GPR52: variants seen among roughly 807,000 people sequenced by gnomAD.
The protein encoded by GPR52 is probable G-protein coupled receptor 52.
Under a neutral mutation model 24.0 loss-of-function variants are expected in GPR52, and 8 were observed. The observed-to-expected ratio is 0.33, with a 90% CI of 0.20 to 0.60. The LOEUF (loss-of-function observed/expected upper bound fraction) is 0.60. GPR52 is among the 20% of genes least tolerant of loss of function. The pLI, the probability that GPR52 is intolerant of heterozygous loss-of-function variation, is 0.82. For missense variants in GPR52, 412 were observed against 447.7 expected, an observed-to-expected ratio of 0.92 and a Z score of 0.72; for synonymous variants, 144 against 158.1, an observed-to-expected ratio of 0.91 and a Z score of 0.67.
rs577422076 is a variant in GPR52, at chr1:174,449,185, T to C, written c.1074T>C (p.Ser358=). The C allele has an allele frequency of 1.0e-5, 16 of 1,596,140 alleles. No individual in the cohort carries two copies. Among genetic ancestry groups the C allele is most frequent in the Non-Finnish European group, 1.4e-5 (16 of 1,173,096 alleles). The change falls in exon 1 of 1, where the codon TCT becomes TCC. Residue 358 remains serine, a synonymous_variant. Transcript: ENST00000367685. ...QEPKPRKRAN[S]CSI is the part of the protein sequence containing the mutation. ...CCAAACCTAGGAAACGGGCTAATTC[T>C]TGCTCCATTTGAAGAGAGCTACATA...
At position 174,448,830 on chromosome 1, in the gene GPR52, G is replaced by A. The variant is rs117221459; in HGVS notation, c.719G>A (p.Arg240Gln). 2.2e-5 allele frequency: 36 copies of A among 1,614,068 alleles called. No homozygotes were observed. The East Asian group carries it at 2.9e-4, about 13-fold the overall frequency. The change falls in exon 1 of 1, where the codon CGA becomes CAA. Residue 240 changes from arginine to glutamine, a missense_variant. Transcript: ENST00000367685. The surrounding 1 kb of genome is among the most constrained non-coding windows in gnomAD (Gnocchi z 4.2). ...CRQHTKEIND[R>Q]RARFPSHEVD... ...CAGCACACCAAAGAGATAAATGACCGAAGAGCCCGATTCCCTAGTCATGAG... is the reference window on the plus strand; with the variant it reads ...CAGCACACCAAAGAGATAAATGACCAAAGAGCCCGATTCCCTAGTCATGAG...
Position 174,448,071 on chromosome 1 carries a change from T to C in GPR52, c.-41T>C, listed in dbSNP as rs775828797. 8 of 1,564,116 alleles carry C rather than the reference T, an allele frequency of 5.1e-6. No individual in the cohort carries two copies. The Admixed American group carries it at 1.4e-4, about 28-fold the overall frequency. On this transcript the variant is annotated 5_prime_UTR_variant, in exon 1 of 1. Coordinates refer to ENST00000367685, the MANE Select transcript of GPR52 (RefSeq NM_005684.5). This position sits in a 1 kb window ranked among gnomAD's most constrained non-coding sequence, Gnocchi z 4.2. ...ACAGATGCTGGGCAGGGCATCTGCT[T>C]GCTGTAGCCAAGTCTGCAGGTGTCT...
chr1:174,448,106 C>T lies in GPR52; in HGVS notation c.-6C>T. The T allele has an allele frequency of 1.9e-6, 3 of 1,603,278 alleles. No individual in the cohort carries two copies. Among genetic ancestry groups the T allele is most frequent in the Non-Finnish European group, 2.6e-6 (3 of 1,173,940 alleles). ...AAGTCTGCAGGTGTCTTTAAATTTC[C>T]AAGCCATGAATGAATCCAGGTGGAC... On this transcript the variant is annotated 5_prime_UTR_variant, in exon 1 of 1. Transcript: ENST00000367685. The surrounding 1 kb of genome is among the most constrained non-coding windows in gnomAD (Gnocchi z 4.2).
In GPR52 at chr1:174,448,873, G is replaced by A. The variant is rs774567932; in HGVS notation, c.762G>A (p.Glu254=). 1 of 1,613,686 alleles carries A rather than the reference G, an allele frequency of 6.2e-7. No individual in the cohort carries two copies. The highest frequency in any genetic ancestry group is 1.7e-5 in the Admixed American group (1 of 60,000). ...GTCATGAGGTAGATTCTTCCAGAGA[G>A]ACTGGACACAGCCCTGACCGTCGCT... ...FPSHEVDSSR[E]TGHSPDRRYA... is the part of the protein sequence containing the mutation. The change falls in exon 1 of 1, where the codon GAG becomes GAA. Residue 254 remains glutamate, a synonymous_variant. Coordinates refer to ENST00000367685, the MANE Select transcript of GPR52 (RefSeq NM_005684.5). This position sits in a 1 kb window ranked among gnomAD's most constrained non-coding sequence, Gnocchi z 4.2.
Position 174,449,298 on chromosome 1 carries a change from G to A in GPR52, c.*101G>A. 9.9e-7 allele frequency: 1 copy of A among 1,012,212 alleles called. No homozygotes were observed. The highest frequency in any genetic ancestry group is 1.5e-6 in the Non-Finnish European group (1 of 682,954). The allele number at this position is 1,012,212 out of a possible 1,614,324, so 62.7% of individuals were successfully genotyped here. On this transcript the variant is annotated 3_prime_UTR_variant, in exon 1 of 1. Coordinates refer to ENST00000367685, the MANE Select transcript of GPR52 (RefSeq NM_005684.5). ...CATCAGAGAAATATTTACTTGAATAGTTGACTGTAAAATGAAGTATGAGAC... is the reference window on the plus strand; with the variant it reads ...CATCAGAGAAATATTTACTTGAATAATTGACTGTAAAATGAAGTATGAGAC...
Position 174,448,378 on chromosome 1 carries a change from C to A in GPR52, c.267C>A (p.Phe89Leu). 2 of 1,613,752 alleles carry A rather than the reference C, an allele frequency of 1.2e-6. No individual in the cohort carries two copies. The highest frequency in any genetic ancestry group is 1.7e-6 in the Non-Finnish European group (2 of 1,179,632). Reference protein sequence around the residue: ...FIQTMAYADLFVGVSCLVPTL... With the variant: ...FIQTMAYADLLVGVSCLVPTL... The stretch of plus-strand genomic sequence containing the variant: ...AGACGATGGCATATGCTGATCTTTT[C>A]GTTGGAGTTAGCTGCTTGGTTCCTA... Residue 89 changes from phenylalanine to leucine, a missense_variant, in exon 1 of 1, where the codon TTC (phenylalanine) becomes TTA (leucine). Coordinates refer to ENST00000367685, the MANE Select transcript of GPR52 (RefSeq NM_005684.5). This position sits in a 1 kb window ranked among gnomAD's most constrained non-coding sequence, Gnocchi z 4.2.
rs979579520 is a variant in GPR52, at chr1:174,449,337, CT to C, written c.*149del. 1.3e-4 allele frequency: 88 copies of C among 675,304 alleles called. No individual in the cohort carries two copies. Among genetic ancestry groups the C allele is most frequent in the South Asian group, 2.3e-4 (9 of 38,366 alleles). The allele number at this position is 675,304 out of a possible 1,614,324, so 41.8% of individuals were successfully genotyped here. On this transcript the variant is annotated 3_prime_UTR_variant, in exon 1 of 1. Coordinates refer to ENST00000367685, the MANE Select transcript of GPR52 (RefSeq NM_005684.5). ...GAAGTATGAGACTAAAGGTTTCTCT[CT>C]TTTTTTTTCTTTTTCATGGAAGAAA...
Position 174,448,827 on chromosome 1 carries a change from A to T in GPR52, c.716A>T (p.Asp239Val). The change falls in exon 1 of 1, where the codon GAC (aspartate) becomes GTC (valine). Residue 239 changes from aspartate (D) to valine (V), a missense_variant. Physicochemically the swap from Asp to Val is radical, Grantham distance 152 (BLOSUM62 -3). Transcript: ENST00000367685. This position sits in a 1 kb window ranked among gnomAD's most constrained non-coding sequence, Gnocchi z 4.2. ...ICRQHTKEINDRRARFPSHEV... is the reference protein window; with the variant it reads ...ICRQHTKEINVRRARFPSHEV... ...CGTCAGCACACCAAAGAGATAAATG[A>T]CCGAAGAGCCCGATTCCCTAGTCAT... is the stretch of plus-strand genomic sequence containing the variant. 1.9e-6 allele frequency: 3 copies of T among 1,614,132 alleles called. No homozygotes were observed. Among genetic ancestry groups the T allele is most frequent in the Non-Finnish European group, 2.5e-6 (3 of 1,179,986 alleles).
Position 174,448,849 on chromosome 1 carries a change from T to G in GPR52, c.738T>G (p.Ser246Arg). 1 of 1,614,148 alleles carries G rather than the reference T, an allele frequency of 6.2e-7. No homozygotes were observed. Residue 246 changes from serine to arginine, a missense_variant, in exon 1 of 1, where the codon AGT becomes AGG. By Grantham distance (110) the Ser-to-Arg change is moderately radical (BLOSUM62 -1). Coordinates refer to ENST00000367685, the MANE Select transcript of GPR52 (RefSeq NM_005684.5). This position sits in a 1 kb window ranked among gnomAD's most constrained non-coding sequence, Gnocchi z 4.2. The stretch of plus-strand genomic sequence containing the variant: ...ATGACCGAAGAGCCCGATTCCCTAG[T>G]CATGAGGTAGATTCTTCCAGAGAGA... ...EINDRRARFP[S>R]HEVDSSRETG...
rs1655139453 is a variant in GPR52 at position 174,449,142 on chromosome 1, A to T, written c.1031A>T (p.Asp344Val). 1 of 1,612,026 alleles carries T rather than the reference A, an allele frequency of 6.2e-7. No individual in the cohort carries two copies. The highest frequency in any genetic ancestry group is 8.5e-7 in the Non-Finnish European group (1 of 1,179,130). ...TGCACATCCTGTATGTGTGTGAAGG[A>T]TCAGGAAGCACAAGAACCCAAACCT... is the stretch of plus-strand genomic sequence containing the variant. ...TMCTSCMCVK[D>V]QEAQEPKPRK... is the part of the protein sequence containing the mutation. The change falls in exon 1 of 1, where the codon GAT (aspartate) becomes GTT (valine). Residue 344 changes from aspartate to valine, a missense_variant. Asp to Val is a radical substitution (Grantham distance 152, BLOSUM62 -3). Transcript: ENST00000367685.
In GPR52 at chr1:174,448,925, A is replaced by G. The variant is rs1318129040; in HGVS notation, c.814A>G (p.Ser272Gly). Reference protein sequence around the residue: ...RYAMVLFRITSVFYMLWLPYI... With the variant: ...RYAMVLFRITGVFYMLWLPYI... ...CGCCATGGTTTTGTTTAGGATAACC[A>G]GTGTATTTTATATGCTGTGGCTCCC... Residue 272 changes from serine to glycine, a missense_variant, in exon 1 of 1, where the codon AGT becomes GGT. Coordinates refer to ENST00000367685, the MANE Select transcript of GPR52 (RefSeq NM_005684.5). This position sits in a 1 kb window ranked among gnomAD's most constrained non-coding sequence, Gnocchi z 4.2. 3 of 1,613,878 alleles carry G rather than the reference A, an allele frequency of 1.9e-6. No homozygotes were observed. The highest frequency in any genetic ancestry group is 1.3e-5 in the African/African-American group (1 of 74,932).
chr1:174,448,076 T>C lies in GPR52; in HGVS notation c.-36T>C. ...TGCTGGGCAGGGCATCTGCTTGCTG[T>C]AGCCAAGTCTGCAGGTGTCTTTAAA... On this transcript the variant is annotated 5_prime_UTR_variant, in exon 1 of 1. Coordinates refer to ENST00000367685, the MANE Select transcript of GPR52 (RefSeq NM_005684.5). The surrounding 1 kb of genome is among the most constrained non-coding windows in gnomAD (Gnocchi z 4.2). 6.4e-7 allele frequency: 1 copy of C among 1,573,770 alleles called. No homozygotes were observed. The highest frequency in any genetic ancestry group is 8.6e-7 in the Non-Finnish European group (1 of 1,157,298).
rs1654979867 is a variant in GPR52 at position 174,447,981 on chromosome 1, G to A, written c.-131G>A. 1.5e-6 allele frequency: 1 copy of A among 681,300 alleles called. No individual in the cohort carries two copies. The highest frequency in any genetic ancestry group is 2.5e-6 in the Non-Finnish European group (1 of 405,244). The allele number at this position is 681,300 out of a possible 1,614,324, so 42.2% of individuals were successfully genotyped here. ...ACTTGAGCACTCTCTGGGACTCTCAGCTGTGACAGAAGCACTGACACTGTC... is the reference window on the plus strand; with the variant it reads ...ACTTGAGCACTCTCTGGGACTCTCAACTGTGACAGAAGCACTGACACTGTC... On this transcript the variant is annotated 5_prime_UTR_variant, in exon 1 of 1. Coordinates refer to ENST00000367685, the MANE Select transcript of GPR52 (RefSeq NM_005684.5).
Position 174,448,594 on chromosome 1 carries a change from C to T in GPR52, c.483C>T (p.Cys161=), listed in dbSNP as rs751968841. Reference sequence around the variant, plus strand: ...TCACCCCTTGTCGCTTGAGAATTTGCATTATTTTGATCTGGATCTACTCCT... The same window carrying T: ...TCACCCCTTGTCGCTTGAGAATTTGTATTATTTTGATCTGGATCTACTCCT... ...QLVTPCRLRI[C]IILIWIYSCL... The change falls in exon 1 of 1, where the codon TGC becomes TGT. Residue 161 remains cysteine, a synonymous_variant. Coordinates refer to ENST00000367685, the MANE Select transcript of GPR52 (RefSeq NM_005684.5). This position sits in a 1 kb window ranked among gnomAD's most constrained non-coding sequence, Gnocchi z 4.2. 1.9e-6 allele frequency: 3 copies of T among 1,613,956 alleles called. No individual in the cohort carries two copies. In the East Asian group the frequency reaches 6.7e-5, roughly 36 times the overall value.
rs779072161 is a variant in GPR52 at position 174,448,433 on chromosome 1, G to A, written c.322G>A (p.Val108Ile). 3 of 1,613,280 alleles carry A rather than the reference G, an allele frequency of 1.9e-6. No individual in the cohort carries two copies. The highest frequency in any genetic ancestry group is 2.2e-5 in the South Asian group (2 of 91,056). Residue 108 changes from valine (V) to isoleucine (I), a missense_variant, in exon 1 of 1, where the codon GTC (valine) becomes ATC (isoleucine). Transcript: ENST00000367685. The surrounding 1 kb of genome is among the most constrained non-coding windows in gnomAD (Gnocchi z 4.2). Reference sequence around the variant, plus strand: ...GTCACTTCTCCACTACTCCACAGGTGTCCACGAGTCATTGACTTGCCAGGT... The same window carrying A: ...GTCACTTCTCCACTACTCCACAGGTATCCACGAGTCATTGACTTGCCAGGT... The part of the protein sequence containing the change: ...TLSLLHYSTG[V>I]HESLTCQVFG...
In GPR52 at chr1:174,448,574, C is replaced by T; in HGVS notation, c.463C>T (p.Pro155Ser). The T allele has an allele frequency of 4.3e-6, 7 of 1,613,826 alleles. No homozygotes were observed. Among genetic ancestry groups the T allele is most frequent in the Admixed American group, 3.3e-5 (2 of 60,018 alleles). ...KPLSYNQLVTPCRLRICIILI... is the reference protein window; with the variant it reads ...KPLSYNQLVTSCRLRICIILI... ...TCTTTCCTACAATCAACTGGTCACC[C>T]CTTGTCGCTTGAGAATTTGCATTAT... The change falls in exon 1 of 1, where the codon CCT (proline) becomes TCT (serine). Residue 155 changes from proline to serine, a missense_variant. By Grantham distance (74) the Pro-to-Ser change is moderately conservative. Coordinates refer to ENST00000367685, the MANE Select transcript of GPR52 (RefSeq NM_005684.5). The surrounding 1 kb of genome is among the most constrained non-coding windows in gnomAD (Gnocchi z 4.2).
chr1:174,449,197 AAG>A lies in GPR52; in HGVS notation c.*5_*6del. The A allele has an allele frequency of 6.3e-7, 1 of 1,588,108 alleles. No homozygotes were observed. Among genetic ancestry groups the A allele is most frequent in the Non-Finnish European group, 8.5e-7 (1 of 1,169,704 alleles). On this transcript the variant is annotated 3_prime_UTR_variant, in exon 1 of 1. Coordinates refer to ENST00000367685, the MANE Select transcript of GPR52 (RefSeq NM_005684.5). ...AACGGGCTAATTCTTGCTCCATTTG[AAG>A]AGAGCTACATAGTAAATCAAATGTA...
At position 174,448,172 on chromosome 1, in the gene GPR52, G is replaced by A. The variant is rs1270800487; in HGVS notation, c.61G>A (p.Val21Met). 3 of 1,613,412 alleles carry A rather than the reference G, an allele frequency of 1.9e-6. No individual in the cohort carries two copies. The Admixed American group carries it at 5.0e-5, about 27-fold the overall frequency. ...ILNMSSGIVNVSERHSCPLGF... is the reference protein window; with the variant it reads ...ILNMSSGIVNMSERHSCPLGF... ...GAACATGAGCAGTGGCATTGTGAAT[G>A]TGTCCGAGCGTCACTCCTGCCCACT... Residue 21 changes from valine (V) to methionine (M), a missense_variant, in exon 1 of 1, where the codon GTG becomes ATG. Val to Met is a conservative substitution (Grantham distance 21). Coordinates refer to ENST00000367685, the MANE Select transcript of GPR52 (RefSeq NM_005684.5). This position sits in a 1 kb window ranked among gnomAD's most constrained non-coding sequence, Gnocchi z 4.2.
Position 174,448,189 on chromosome 1 carries a change from C to T in GPR52, c.78C>T (p.Ser26=). 1 of 1,613,798 alleles carries T rather than the reference C, an allele frequency of 6.2e-7. No individual in the cohort carries two copies. ...SGIVNVSERH[S]CPLGFGHYSV... ...TTGTGAATGTGTCCGAGCGTCACTC[C>T]TGCCCACTTGGATTTGGCCACTACA... Residue 26 remains serine, a synonymous_variant, in exon 1 of 1, where the codon TCC becomes TCT. Transcript: ENST00000367685. The surrounding 1 kb of genome is among the most constrained non-coding windows in gnomAD (Gnocchi z 4.2).
Sources: gnomAD v4.1 joint callset for allele counts on GRCh38, gnomAD v4.1.1 for gene constraint, Gnocchi (gnomAD v3.1) non-coding constraint, MANE v1.5 for transcripts, NCBI Gene and HGNC (gene_info 2026-07-23, HGNC 2026-07-21) for gene names.